ANTXR2: variants seen among roughly 807,000 people sequenced by gnomAD.
ANTXR2 encodes the protein ANTXR cell adhesion molecule 2.
In ANTXR2, 44 loss-of-function variants were observed where a neutral mutation model predicts 73.7. The ratio of observed to expected loss-of-function variants is 0.60; its 90% confidence interval spans 0.47 to 0.77. The LOEUF (loss-of-function observed/expected upper bound fraction) is 0.77. ANTXR2 is among the 30% of genes least tolerant of loss of function. ANTXR2 has a pLI of 0.00. For synonymous variants in ANTXR2, 217 were observed against 205.9 expected, an observed-to-expected ratio of 1.05 and a Z score of -0.46; for missense variants, 604 against 592.5, an observed-to-expected ratio of 1.02 and a Z score of -0.20.
chr4:79,919,387 T>C (rs886134886), intron 16 of ANTXR2, among the ~76,000 whole-genome samples: 2 of 152,116 alleles, frequency 1.3e-5, no homozygotes, highest in African/African-American at 4.8e-5. Context: ...GTCAACTTGA[T>C]TGGATTGAAG....
intron 12 of ANTXR2, among the ~76,000 whole-genome samples, chr4:79,988,229 TTATATATATATATATATATATA>T (rs70944756): frequency 0.018 from 1,208 of 68,144 alleles, 66 homozygotes; most frequent in East Asian, 0.15. Context: ...CACATAAATT[TTATATATATATATATATATATA>T]TATATATATA....
chr4:79,931,950 T>C (rs549128748), intron 16 of ANTXR2, among the ~76,000 whole-genome samples: 1 of 152,354 alleles, frequency 6.6e-6, no homozygotes, highest in African/African-American at 2.4e-5. Context: ...TAGCCCTTGC[T>C]ACCTGATATC....
At chr4:79,998,806 T>C (rs1454822128) in intron 12 of ANTXR2, among the ~76,000 whole-genome samples, 1 of 152,016 alleles carries the variant, frequency 6.6e-6, no homozygotes, top group Non-Finnish European at 1.5e-5. Context: ...ATGAGAACTC[T>C]TCCCTTCATG....
intron 16 of ANTXR2, among the ~76,000 whole-genome samples, chr4:79,912,712 A>G (rs1325772873): frequency 2.0e-5 from 3 of 152,136 alleles, no homozygotes; most frequent in Non-Finnish European, 2.9e-5. Flanking sequence ...GAGATTTCAA[A>G]TATTTACTAT....
chr4:80,032,647 T>TA (rs1388524177), intron 9 of ANTXR2, among the ~76,000 whole-genome samples: 4 of 151,762 alleles, frequency 2.6e-5, no homozygotes, highest in African/African-American at 9.7e-5. Context: ...CAGATGAATC[T>TA]AAAAAAATAA....
At chr4:79,918,248 G>A (rs1237861443) in intron 16 of ANTXR2, among the ~76,000 whole-genome samples, 1 of 151,972 alleles carries the variant, frequency 6.6e-6, no homozygotes. Flanking sequence ...TAAGTAATAA[G>A]TGTCCCATAA....
Position 80,015,215 on chromosome 4 carries a change from C to T in ANTXR2, c.945+3683G>A, listed in dbSNP as rs185306681. Among the ~76,000 whole-genome samples, 4 of 152,282 alleles carry T rather than the reference C, an allele frequency of 2.6e-5. No individual in the cohort carries two copies. In the East Asian group the frequency reaches 7.7e-4, roughly 29 times the overall value. On this transcript the variant is annotated intron_variant, in intron 11 of 16. Transcript: ENST00000403729. The stretch of plus-strand genomic sequence containing the variant: ...CAACCTCACTTACACAACATGTCTA[C>T]AATGAAAATTCTTCTGATCTCCAGA...
At chr4:79,924,108 G>A (rs997874027) in intron 16 of ANTXR2, among the ~76,000 whole-genome samples, 20 of 151,994 alleles carry the variant, frequency 1.3e-4, no homozygotes, top group Admixed American at 3.9e-4. Flanking sequence ...GAACATAGTA[G>A]CCAACAGGTA....
At chr4:79,959,690 G>A (rs907910915) in intron 16 of ANTXR2, among the ~76,000 whole-genome samples, 1 of 152,188 alleles carries the variant, frequency 6.6e-6, no homozygotes, top group Non-Finnish European at 1.5e-5. Flanking sequence ...GCAAATGACT[G>A]AGAGAAAAGT....
At chr4:79,976,433 C>CCCT (rs1729639027) in intron 16 of ANTXR2, among the ~76,000 whole-genome samples, 1 of 152,146 alleles carries the variant, frequency 6.6e-6, no homozygotes, top group African/African-American at 2.4e-5. Flanking sequence ...ACACACTGAC[C>CCCT]AGGGTGCCAT....
intron 16 of ANTXR2, among the ~76,000 whole-genome samples, chr4:79,953,988 T>C (rs1192566010): frequency 6.6e-6 from 1 of 152,186 alleles, no homozygotes; most frequent in African/African-American, 2.4e-5. Context: ...AACATATTAA[T>C]ATAACTAAAA....
intron 2 of ANTXR2, 42 bp from the exon 3 acceptor site, chr4:80,069,549 G>A (rs1203496492): frequency 4.2e-6 from 6 of 1,436,306 alleles, no homozygotes; most frequent in Non-Finnish European, 4.8e-6. Context: ...TTTTTAAAAA[G>A]AAATATTGAT....
At chr4:79,980,974 C>A (rs1407100589) in intron 14 of ANTXR2, among the ~76,000 whole-genome samples, 1 of 147,732 alleles carries the variant, frequency 6.8e-6, no homozygotes, top group Non-Finnish European at 1.5e-5. Context: ...AATAAGCATG[C>A]TTTTAAAACA....
intron 16 of ANTXR2, among the ~76,000 whole-genome samples, chr4:79,973,533 T>G (rs1729514176): frequency 6.6e-6 from 1 of 152,036 alleles, no homozygotes; most frequent in Non-Finnish European, 1.5e-5. Context: ...GTTCAAGTGG[T>G]TCTTTCAACT....
chr4:80,070,143 C>T (rs1277791504), intron 2 of ANTXR2, among the ~76,000 whole-genome samples: 2 of 152,204 alleles, frequency 1.3e-5, no homozygotes, highest in African/African-American at 2.4e-5. Context: ...CTCGGACACT[C>T]TCTGCAACTA....
chr4:79,964,451 C>T (rs899854797), intron 16 of ANTXR2, among the ~76,000 whole-genome samples: 6 of 152,188 alleles, frequency 3.9e-5, no homozygotes, highest in African/African-American at 1.4e-4. Flanking sequence ...GAGTCCACGG[C>T]TTAATGGAGG....
At position 80,049,854 on chromosome 4, in the gene ANTXR2, C is replaced by T. The variant is rs138516329; in HGVS notation, c.636+4418G>A. ...TCCAGTTTCACTGCCCATCCTAATA[C>T]TAACAATAATTAACATTTGACAGCT... On this transcript the variant is annotated intron_variant, in intron 7 of 16. Coordinates refer to ENST00000403729, the MANE Select transcript of ANTXR2 (RefSeq NM_058172.6). Among the ~76,000 whole-genome samples, 145 of 151,832 alleles carry T rather than the reference C, an allele frequency of 9.6e-4. 2 individuals carry two copies. Among genetic ancestry groups the T allele is most frequent in the African/African-American group, 3.3e-3 (136 of 41,498 alleles).
chr4:80,055,497 C>A, intron 4 of ANTXR2, 30 bp from the exon 5 acceptor site: 8 of 1,553,328 alleles, frequency 5.2e-6, no homozygotes, highest in Non-Finnish European at 7.1e-6. Flanking sequence ...ATCCAACTCA[C>A]AATTTAATTT....
intron 10 of ANTXR2, among the ~76,000 whole-genome samples, chr4:80,027,173 T>C (rs1368011040): frequency 6.6e-6 from 1 of 152,172 alleles, no homozygotes; most frequent in Non-Finnish European, 1.5e-5. Context: ...GGAATAATGT[T>C]GTGGTTGTAT....
Sources: allele counts gnomAD v4.1 joint callset (sites outside exome capture counted in the v4.1 genomes callset), GRCh38; gene constraint gnomAD v4.1.1; transcripts MANE v1.5; gene names NCBI Gene and HGNC (gene_info 2026-07-23, HGNC 2026-07-21).